Variants in PKP4 observed in about 807,000 individuals in gnomAD.
The protein encoded by PKP4 is plakophilin-4.
PKP4 carries 90 observed loss-of-function variants against 145.1 expected under a neutral mutation model. That is an observed-to-expected ratio of 0.62 (90% CI 0.52 to 0.74). The LOEUF is 0.74. Among genes scored for constraint, PKP4 ranks in the 30% least tolerant of loss-of-function variants. The pLI, the probability that PKP4 is intolerant of heterozygous loss-of-function variation, is 0.00. For synonymous variants in PKP4, 563 were observed against 577.2 expected (o/e 0.98, Z 0.35); for missense variants, 1,340 against 1,482.7 (o/e 0.90, Z 1.58).
intron 2 of PKP4, among the ~76,000 whole-genome samples, chr2:158,547,758 A>G (rs1263322349): frequency 6.6e-6 from 1 of 152,246 alleles, no homozygotes; most frequent in African/African-American, 2.4e-5. Context: ...ATCGGCTTCC[A>G]TAGAGCACAG....
At chr2:158,579,785 GA>G (rs2048173969) in intron 3 of PKP4, among the ~76,000 whole-genome samples, 2 of 152,134 alleles carry the variant, frequency 1.3e-5, no homozygotes, top group South Asian at 4.1e-4. Context: ...AAACAGACTT[GA>G]AAAGCTGTAA....
intron 3 of PKP4, chr2:158,588,362 G>A (rs1228213212): frequency 6.6e-6 from 1 of 151,902 alleles, no homozygotes; most frequent in Non-Finnish European, 1.5e-5. Context: ...ATTTAATATT[G>A]AACAGGCTCT....
At chr2:158,573,075 A>T (rs1418761494) in intron 2 of PKP4, among the ~76,000 whole-genome samples, 2 of 152,236 alleles carry the variant, frequency 1.3e-5, no homozygotes, top group East Asian at 1.9e-4. Flanking sequence ...TATTTTACAG[A>T]ATGTTTATGA....
chr2:158,471,247 G>A (rs1320024173), intron 1 of PKP4, among the ~76,000 whole-genome samples: 2 of 152,186 alleles, frequency 1.3e-5, no homozygotes, highest in African/African-American at 2.4e-5. Flanking sequence ...AAATCAGGGA[G>A]TAAGGAGGAT....
intron 11 of PKP4, among the ~76,000 whole-genome samples, chr2:158,653,160 A>G (rs944315358): frequency 6.6e-6 from 1 of 152,176 alleles, no homozygotes; most frequent in African/African-American, 2.4e-5. Flanking sequence ...GTGGTTTAAG[A>G]TTGTCTTTCA....
At chr2:158,565,871 A>G (rs1415780340) in intron 2 of PKP4, among the ~76,000 whole-genome samples, 1 of 152,210 alleles carries the variant, frequency 6.6e-6, no homozygotes, top group African/African-American at 2.4e-5. Flanking sequence ...AAGTTTAGAA[A>G]GGAGTGATGA....
At chr2:158,554,052 T>C (rs747532379) in intron 2 of PKP4, among the ~76,000 whole-genome samples, 3 of 150,082 alleles carry the variant, frequency 2.0e-5, no homozygotes, top group Non-Finnish European at 3.0e-5. Flanking sequence ...CTGCCCTCTG[T>C]GTTCTCAAGC....
intron 2 of PKP4, among the ~76,000 whole-genome samples, chr2:158,534,311 T>G (rs2043846019): frequency 6.6e-6 from 1 of 152,232 alleles, no homozygotes; most frequent in Non-Finnish European, 1.5e-5. Context: ...CCGTGACACA[T>G]GTCTGACGTT....
At chr2:158,488,821 C>G (rs1694536777) in intron 1 of PKP4, among the ~76,000 whole-genome samples, 1 of 152,134 alleles carries the variant, frequency 6.6e-6, no homozygotes, top group Non-Finnish European at 1.5e-5. Context: ...GGAAAAAGAG[C>G]TTAGAATTCA....
At chr2:158,606,130 G>C (rs1423594279) in intron 4 of PKP4, among the ~76,000 whole-genome samples, 1 of 152,052 alleles carries the variant, frequency 6.6e-6, no homozygotes, top group Non-Finnish European at 1.5e-5. Context: ...ACCTATTAGT[G>C]GAATTGCTAG....
At chr2:158,636,424 G>A (rs1392313346) in intron 9 of PKP4, among the ~76,000 whole-genome samples, 1 of 152,016 alleles carries the variant, frequency 6.6e-6, no homozygotes, top group African/African-American at 2.4e-5. Context: ...TATGTAATGT[G>A]TCTTTTCTTT....
intron 1 of PKP4, among the ~76,000 whole-genome samples, chr2:158,480,381 C>T (rs1433032192): frequency 6.6e-6 from 1 of 152,032 alleles, no homozygotes. Flanking sequence ...GGATTACAGG[C>T]ACCCACCACC....
At chr2:158,665,102 G>A (rs1419655216) in intron 15 of PKP4, among the ~76,000 whole-genome samples, 1 of 152,148 alleles carries the variant, frequency 6.6e-6, no homozygotes, top group East Asian at 1.9e-4. Flanking sequence ...CCTTCACTAA[G>A]AAAATGAGAT....
intron 2 of PKP4, among the ~76,000 whole-genome samples, chr2:158,533,902 T>A (rs567156071): frequency 6.6e-6 from 1 of 152,180 alleles, no homozygotes; most frequent in Non-Finnish European, 1.5e-5. Flanking sequence ...CCTCCTATAT[T>A]AGGTCTTATC....
chr2:158,590,416 T>C (rs189075754), intron 3 of PKP4, among the ~76,000 whole-genome samples: 7 of 151,192 alleles, frequency 4.6e-5, no homozygotes, highest in African/African-American at 1.7e-4. Context: ...AGCCAGTTAT[T>C]TTAGGATCCT....
At chr2:158,601,859 G>T (rs2050259236) in intron 3 of PKP4, among the ~76,000 whole-genome samples, 2 of 152,098 alleles carry the variant, frequency 1.3e-5, no homozygotes, top group South Asian at 4.1e-4. Flanking sequence ...TATCAAGGGG[G>T]TAATAAGAAC....
At chr2:158,489,922 C>T (rs1405105501) in intron 1 of PKP4, among the ~76,000 whole-genome samples, 1 of 152,120 alleles carries the variant, frequency 6.6e-6, no homozygotes, top group Non-Finnish European at 1.5e-5. Context: ...CCAGGCACAG[C>T]CAGTTACTTC....
intron 3 of PKP4, among the ~76,000 whole-genome samples, chr2:158,598,910 T>C (rs1485076892): frequency 6.6e-6 from 1 of 152,182 alleles, no homozygotes. Context: ...CTGAAAGAAT[T>C]TCCAGACTCT....
intron 3 of PKP4, among the ~76,000 whole-genome samples, chr2:158,595,288 T>A (rs1384178540): frequency 6.6e-6 from 1 of 152,184 alleles, no homozygotes. Context: ...TATTCCATCT[T>A]AGTCTTCTAG....
Sources: allele counts gnomAD v4.1 joint callset (sites outside exome capture counted in the v4.1 genomes callset), GRCh38; gene constraint gnomAD v4.1.1; transcripts MANE v1.5; gene names NCBI Gene and HGNC (gene_info 2026-07-23, HGNC 2026-07-21).